The following NOL4 variants were observed in gnomAD, a reference collection of about 807,000 sequenced individuals.
NOL4 encodes the protein nucleolar protein 4.
Under a neutral mutation model 75.9 loss-of-function variants are expected in NOL4, and 17 were observed. The ratio of observed to expected loss-of-function variants is 0.22; its 90% confidence interval spans 0.15 to 0.34. The LOEUF (loss-of-function observed/expected upper bound fraction) is 0.34. NOL4 is among the 10% of genes least tolerant of loss of function. NOL4 has a pLI of 1.00. For synonymous variants in NOL4, 292 were observed against 289.9 expected (o/e 1.01, Z -0.07); for missense variants, 614 against 793.5 (o/e 0.77, Z 2.72).
chr18:34,061,452 C>A (rs2077058189), intron 5 of NOL4, among the ~76,000 whole-genome samples: 1 of 151,924 alleles, frequency 6.6e-6, no homozygotes, highest in Non-Finnish European at 1.5e-5. Context: ...GTTTCAGAGC[C>A]CTTCAGAAAA....
chr18:34,060,867 T>G lies in NOL4; in HGVS notation c.772+32598A>C, dbSNP rs539588381. 3.7e-4 allele frequency among the ~76,000 whole-genome samples: 57 copies of G among 152,246 alleles called. 1 individual carries two copies. Among genetic ancestry groups the G allele is most frequent in the African/African-American group, 1.3e-3 (54 of 41,558 alleles). ...AACTACTGCAGAAGGAAAATCTGGG[T>G]GAAAAAGATCATCCATATGAAATTC... On this transcript the variant is annotated intron_variant, in intron 5 of 10. Transcript: ENST00000261592.
chr18:34,052,332 C>G (rs2076658184), intron 5 of NOL4, among the ~76,000 whole-genome samples: 1 of 151,020 alleles, frequency 6.6e-6, no homozygotes, highest in Non-Finnish European at 1.5e-5. Flanking sequence ...ACACCATTGT[C>G]TTTTTTTTTC....
intron 5 of NOL4, among the ~76,000 whole-genome samples, chr18:34,026,741 A>G (rs2075362023): frequency 2.0e-5 from 3 of 152,186 alleles, no homozygotes; most frequent in South Asian, 4.1e-4. Flanking sequence ...AGATAATTTC[A>G]CCCAGTTCCC....
intron 1 of NOL4, among the ~76,000 whole-genome samples, chr18:34,151,555 G>T (rs146218460): frequency 6.6e-6 from 1 of 151,744 alleles, no homozygotes; most frequent in African/African-American, 2.4e-5. Context: ...TTATGGGAAG[G>T]GGGGGATTAA....
intron 5 of NOL4, among the ~76,000 whole-genome samples, chr18:34,062,452 G>C (rs945951122): frequency 7.9e-5 from 12 of 152,184 alleles, no homozygotes; most frequent in African/African-American, 2.9e-4. Flanking sequence ...ACAAGGAGGG[G>C]AAGTTGCCGA....
intron 5 of NOL4, among the ~76,000 whole-genome samples, chr18:34,057,739 T>C (rs769983080): frequency 5.3e-5 from 8 of 152,224 alleles, no homozygotes; most frequent in Non-Finnish European, 7.3e-5. Context: ...GTAAGAATCA[T>C]GCCTTATACA....
chr18:33,927,890 C>A (rs982309783), intron 9 of NOL4, among the ~76,000 whole-genome samples: 1 of 152,050 alleles, frequency 6.6e-6, no homozygotes, highest in African/African-American at 2.4e-5. Flanking sequence ...ACACATGACA[C>A]ACCGCTTCCT....
chr18:33,875,380 A>T (rs148731290), intron 10 of NOL4, among the ~76,000 whole-genome samples: 1 of 152,020 alleles, frequency 6.6e-6, no homozygotes, highest in East Asian at 1.9e-4. Context: ...TCCAACTTGA[A>T]AATTTGGATT....
chr18:34,121,547 G>A (rs371014196), intron 2 of NOL4, among the ~76,000 whole-genome samples: 49 of 152,280 alleles, frequency 3.2e-4, no homozygotes, highest in African/African-American at 1.2e-3. Flanking sequence ...GAAAGACGGC[G>A]AAGATTTCAC....
chr18:34,097,026 G>T (rs2078818485), intron 4 of NOL4, among the ~76,000 whole-genome samples: 1 of 151,982 alleles, frequency 6.6e-6, no homozygotes, highest in African/African-American at 2.4e-5. Context: ...ATTGCATTTT[G>T]CCATTTCCTA....
At chr18:33,960,516 T>C (rs1361175348) in intron 6 of NOL4, among the ~76,000 whole-genome samples, 1 of 152,132 alleles carries the variant, frequency 6.6e-6, no homozygotes, top group Non-Finnish European at 1.5e-5. Flanking sequence ...TCAAAGTCAA[T>C]CATTTCTTCC....
chr18:33,878,739 GT>G (rs1321010297), intron 10 of NOL4, among the ~76,000 whole-genome samples: 1 of 151,950 alleles, frequency 6.6e-6, no homozygotes, highest in East Asian at 1.9e-4. Flanking sequence ...GATATATTTT[GT>G]GTTTTTTAAA....
At chr18:33,947,047 C>G (rs2068883658) in intron 8 of NOL4, among the ~76,000 whole-genome samples, 1 of 151,620 alleles carries the variant, frequency 6.6e-6, no homozygotes, top group Admixed American at 6.6e-5. Flanking sequence ...ACACAGGGCT[C>G]AAGTGTGCAG....
intron 9 of NOL4, among the ~76,000 whole-genome samples, chr18:33,942,198 T>G (rs2068535183): frequency 6.6e-6 from 1 of 151,964 alleles, no homozygotes; most frequent in Admixed American, 6.6e-5. Flanking sequence ...TACTTTAGTC[T>G]TGACTCATCT....
At chr18:33,855,020 A>G (rs143605894) in intron 10 of NOL4, among the ~76,000 whole-genome samples, 85 of 152,126 alleles carry the variant, frequency 5.6e-4, no homozygotes, top group African/African-American at 1.9e-3. Context: ...GAGGCTATTC[A>G]CATCTCCCAA....
chr18:34,179,848 T>G (rs1489559546), intron 1 of NOL4, among the ~76,000 whole-genome samples: 1 of 151,554 alleles, frequency 6.6e-6, no homozygotes, highest in Non-Finnish European at 1.5e-5. Flanking sequence ...TTCCCAGACT[T>G]CAGAACTGTA....
chr18:33,888,093 C>G (rs953072193), intron 9 of NOL4, among the ~76,000 whole-genome samples: 1 of 152,178 alleles, frequency 6.6e-6, no homozygotes, highest in African/African-American at 2.4e-5. Context: ...TGTTTCCTGA[C>G]TTTTTAATGA....
At chr18:34,163,710 T>C (rs1395832309) in intron 1 of NOL4, among the ~76,000 whole-genome samples, 1 of 152,144 alleles carries the variant, frequency 6.6e-6, no homozygotes, top group Non-Finnish European at 1.5e-5. Flanking sequence ...AAGCTACCAG[T>C]GACTTTCTTC....
chr18:34,128,797 T>A (rs2080500197), intron 2 of NOL4: 1 of 733,672 alleles, frequency 1.4e-6, no homozygotes, highest in African/African-American at 1.9e-5. Context: ...AAAATAGTTA[T>A]GAAAAAGAAG....
Sources: gnomAD v4.1 joint callset for allele counts (sites outside exome capture counted in the v4.1 genomes callset) on GRCh38, gnomAD v4.1.1 for gene constraint, MANE v1.5 for transcripts, NCBI Gene and HGNC (gene_info 2026-07-23, HGNC 2026-07-21) for gene names.